Variants in PCDHA9 observed in about 807,000 individuals in gnomAD.
PCDHA9 encodes protocadherin alpha-9.
Under a neutral mutation model 62.0 loss-of-function variants are expected in PCDHA9, and 62 were observed. That is an observed-to-expected ratio of 1.00 (90% CI 0.81 to 1.23). PCDHA9 has a LOEUF of 1.23. Among genes scored for constraint, PCDHA9 ranks in the 50% most tolerant of loss-of-function variants. The pLI is 0.00. For missense variants in PCDHA9, 1,205 were observed against 1,249.8 expected (o/e 0.96, Z 0.54); for synonymous variants, 557 against 567.6 (o/e 0.98, Z 0.27).
intron 1 of PCDHA9, chr5:140,966,770 G>C: frequency 2.0e-6 from 3 of 1,500,088 alleles, no homozygotes; most frequent in Non-Finnish European, 2.7e-6. Flanking sequence ...AGTGGCTATG[G>C]AGCAGGCGGG....
intron 1 of PCDHA9, among the ~76,000 whole-genome samples, chr5:140,974,029 A>G (rs2096612369): frequency 6.6e-6 from 1 of 152,238 alleles, no homozygotes; most frequent in Admixed American, 6.5e-5. Flanking sequence ...ACAACTATAA[A>G]TTTAGCTTAT....
chr5:140,871,484 A>G, intron 1 of PCDHA9: 1 of 1,592,270 alleles, frequency 6.3e-7, no homozygotes, highest in Non-Finnish European at 8.6e-7. Context: ...GGGTCAAATC[A>G]CCCCGGACAG....
intron 3 of PCDHA9, among the ~76,000 whole-genome samples, chr5:140,994,027 A>G (rs1237081548): frequency 2.6e-5 from 4 of 152,234 alleles, no homozygotes; most frequent in Non-Finnish European, 2.9e-5. Context: ...TGCAGATATA[A>G]TATTAAATAT....
intron 1 of PCDHA9, chr5:140,862,703 A>G (rs2047499886): frequency 3.6e-6 from 2 of 558,206 alleles, no homozygotes; most frequent in East Asian, 4.9e-5. Flanking sequence ...TTGATGGAAC[A>G]GCGGGTGGGC....
At chr5:140,864,058 A>C (rs993804326) in intron 1 of PCDHA9, 3 of 152,692 alleles carry the variant, frequency 2.0e-5, no homozygotes, top group Non-Finnish European at 1.5e-5. Context: ...TACAGTCACC[A>C]TGAACATTCT....
intron 1 of PCDHA9, among the ~76,000 whole-genome samples, chr5:140,874,292 G>C (rs1554167129): frequency 2.0e-5 from 3 of 152,146 alleles, no homozygotes; most frequent in Non-Finnish European, 4.4e-5. Context: ...AAATCTATGT[G>C]TACTTGTTCA....
At chr5:140,983,170 G>A (rs1046143831) in intron 3 of PCDHA9, among the ~76,000 whole-genome samples, 1 of 152,136 alleles carries the variant, frequency 6.6e-6, no homozygotes, top group Non-Finnish European at 1.5e-5. Context: ...AAACATGACC[G>A]CCTCACAATT....
chr5:140,850,821 C>T lies in PCDHA9; in HGVS notation c.2326C>T (p.Leu776Phe). 1 of 1,598,302 alleles carries T rather than the reference C, an allele frequency of 6.3e-7. No homozygotes were observed. The highest frequency in any genetic ancestry group is 8.6e-7 in the Non-Finnish European group (1 of 1,167,650). ...CGACCTCATGGCCTTCAGCCCGGGC[C>T]TTTCTCCTTGTGCTGGATCTACAGA... is the stretch of plus-strand genomic sequence containing the variant. Reference protein sequence around the residue: ...KTDLMAFSPGLSPCAGSTERT... With the variant: ...KTDLMAFSPGFSPCAGSTERT... Residue 776 changes from leucine (L) to phenylalanine (F), a missense_variant, in exon 1 of 4, where the codon CTT becomes TTT. Leu to Phe is a conservative substitution (Grantham distance 22, BLOSUM62 0). Around this residue, in one of 3 missense-constraint regions of PCDHA9, gnomAD observed 887 missense variants for 809.5 expected, o/e 1.10. Transcript: ENST00000532602.
chr5:140,921,634 T>C (rs1324251436), intron 1 of PCDHA9, among the ~76,000 whole-genome samples: 1 of 152,220 alleles, frequency 6.6e-6, no homozygotes, highest in Non-Finnish European at 1.5e-5. Context: ...ATCATTATGG[T>C]AGCTATTTTA....
chr5:140,966,937 C>T (rs2096072123), intron 1 of PCDHA9: 6 of 1,604,032 alleles, frequency 3.7e-6, no homozygotes, highest in Non-Finnish European at 5.1e-6. Flanking sequence ...CCGGCGCGCT[C>T]GTGGGCAACG....
chr5:141,000,805 G>C (rs1049253262), intron 3 of PCDHA9, among the ~76,000 whole-genome samples: 2 of 151,852 alleles, frequency 1.3e-5, no homozygotes, highest in Non-Finnish European at 2.9e-5. Context: ...TACTCAGAAG[G>C]CTGAGGTGGG....
intron 1 of PCDHA9, among the ~76,000 whole-genome samples, chr5:140,978,595 G>A (rs2096811492): frequency 6.6e-6 from 1 of 152,214 alleles, no homozygotes; most frequent in African/African-American, 2.4e-5. Flanking sequence ...CCTTAATGGG[G>A]CACTTGAGGG....
chr5:141,001,278 C>T (rs182360019), intron 3 of PCDHA9, among the ~76,000 whole-genome samples: 500 of 152,168 alleles, frequency 3.3e-3, no homozygotes, highest in Admixed American at 5.6e-3. Context: ...ACTTTTTTTA[C>T]GGATGAAAAC....
rs554073823 is a variant in PCDHA9 at position 140,945,407 on chromosome 5, T to C, written c.2395-33542T>C. Among the ~76,000 whole-genome samples, 498 of 152,246 alleles carry C rather than the reference T, an allele frequency of 3.3e-3. 2 individuals carry two copies. Among genetic ancestry groups the C allele is most frequent in the African/African-American group, 0.011 (476 of 41,568 alleles). ...CAATATACAAATTCAATACAATTCG[T>C]ATCAAAATTTCAATGAAGTTTTTAC... On this transcript the variant is annotated intron_variant, in intron 1 of 3. Coordinates refer to ENST00000532602, the MANE Select transcript of PCDHA9 (RefSeq NM_031857.2).
At position 141,011,990 on chromosome 5, in the gene PCDHA9, T is replaced by C. The variant is rs1554263765; in HGVS notation, c.*2053T>C. On this transcript the variant is annotated 3_prime_UTR_variant, in exon 4 of 4. Transcript: ENST00000532602. ...ACTGTCTTGTCTACTTTTAGCTTCA[T>C]TCTCCCATATTTTGAAGGGTGTGTA... 1 of 153,772 alleles carries C rather than the reference T, an allele frequency of 6.5e-6. No homozygotes were observed. The highest frequency in any genetic ancestry group is 1.5e-5 in the Non-Finnish European group (1 of 68,038). 9.5% of individuals were successfully genotyped at this position (153,772 alleles called of 1,614,324 possible). A position where few individuals can be genotyped will look rare whatever the true frequency, so the allele number is the denominator to read the frequency against.
Position 140,850,357 on chromosome 5 carries a change from C to T in PCDHA9, c.1862C>T (p.Pro621Leu), listed in dbSNP as rs146638035. The change falls in exon 1 of 4, where the codon CCG becomes CTG. Residue 621 changes from proline to leucine, a missense_variant. By Grantham distance (98) the Pro-to-Leu change is moderately conservative. Coordinates refer to ENST00000532602, the MANE Select transcript of PCDHA9 (RefSeq NM_031857.2). ...LQPETASASI[P>L]FRVGLYTGEI... ...CCAGAAACGGCCAGCGCGAGCATCC[C>T]GTTCCGCGTGGGGCTGTACACGGGC... 66 of 1,597,856 alleles carry T rather than the reference C, an allele frequency of 4.1e-5. 3 individuals carry two copies. The African/African-American group carries it at 6.2e-4, about 15-fold the overall frequency.
At chr5:140,948,259 G>A (rs1430770984) in intron 1 of PCDHA9, among the ~76,000 whole-genome samples, 3 of 151,464 alleles carry the variant, frequency 2.0e-5, no homozygotes, top group Non-Finnish European at 3.0e-5. Context: ...TTACATCTGT[G>A]TTCATGTAGA....
At chr5:140,963,871 T>A (rs2095795562) in intron 1 of PCDHA9, among the ~76,000 whole-genome samples, 1 of 152,238 alleles carries the variant, frequency 6.6e-6, no homozygotes, top group Non-Finnish European at 1.5e-5. Context: ...GAGTTTTGCT[T>A]ACTATTGTTT....
At chr5:140,926,731 G>C (rs1282301090) in intron 1 of PCDHA9, 9 of 1,104,780 alleles carry the variant, frequency 8.1e-6, no homozygotes, top group Middle Eastern at 3.2e-4. Flanking sequence ...GCCGGCGTTC[G>C]GGAGGCGCAA....
Sources: allele counts gnomAD v4.1 joint callset (sites outside exome capture counted in the v4.1 genomes callset), GRCh38; gene constraint gnomAD v4.1.1; regional missense constraint gnomAD v4.1.1; transcripts MANE v1.5; gene names NCBI Gene and HGNC (gene_info 2026-07-23, HGNC 2026-07-21).